Variants in RALYL observed in about 807,000 individuals in gnomAD.
The protein encoded by RALYL is RNA-binding Raly-like protein.
Under a neutral mutation model 35.1 loss-of-function variants are expected in RALYL, and 29 were observed. The observed-to-expected ratio is 0.83, with a 90% CI of 0.61 to 1.13. The LOEUF is 1.13. Ranked by LOEUF, RALYL falls within the 50% of genes most tolerant of loss-of-function variation. The pLI is 0.00. For synonymous variants in RALYL, 120 were observed against 127.6 expected (o/e 0.94, Z 0.40); for missense variants, 359 against 360.4 (o/e 1.00, Z 0.03).
At chr8:84,247,680 C>A (rs1190119068) in intron 1 of RALYL, among the ~76,000 whole-genome samples, 3 of 152,028 alleles carry the variant, frequency 2.0e-5, no homozygotes, top group Non-Finnish European at 2.9e-5. Flanking sequence ...AAAAGAATTT[C>A]TTGTATTATT....
chr8:84,424,089 A>G (rs1416211662), intron 1 of RALYL, among the ~76,000 whole-genome samples: 186 of 151,922 alleles, frequency 1.2e-3, no homozygotes, highest in African/African-American at 4.0e-3. Context: ...GAATCTGAAC[A>G]TTGGCCTGCC....
At chr8:84,197,404 C>T (rs1478142656) in intron 1 of RALYL, among the ~76,000 whole-genome samples, 1 of 152,162 alleles carries the variant, frequency 6.6e-6, no homozygotes, top group Non-Finnish European at 1.5e-5. Context: ...TAGGTCCTGA[C>T]TTTCATACAA....
intron 4 of RALYL, among the ~76,000 whole-genome samples, chr8:84,823,778 A>C (rs7823653): frequency 2.7e-5 from 4 of 150,918 alleles, no homozygotes; most frequent in East Asian, 3.9e-4. Context: ...CTACTTCTTT[A>C]TCTCTCTCTA....
At chr8:84,184,769 C>T (rs1369762109) in intron 1 of RALYL, 2 of 472,130 alleles carry the variant, frequency 4.2e-6, no homozygotes. Context: ...GTAAGTTCTC[C>T]GAGGGCCACT....
chr8:84,907,278 A>G (rs1225576168), intron 8 of RALYL, among the ~76,000 whole-genome samples: 1 of 146,920 alleles, frequency 6.8e-6, no homozygotes. Flanking sequence ...TATCTTTAAA[A>G]AGGCAGAAAT....
At chr8:84,778,657 A>G (rs78935331) in intron 3 of RALYL, among the ~76,000 whole-genome samples, 2,966 of 152,264 alleles carry the variant, frequency 0.019, 184 homozygotes, top group Admixed American at 0.13. Context: ...AGGATAGTCT[A>G]CCTTGTGGGG....
intron 4 of RALYL, among the ~76,000 whole-genome samples, chr8:84,834,284 A>G (rs1831500224): frequency 6.6e-6 from 1 of 152,248 alleles, no homozygotes; most frequent in African/African-American, 2.4e-5. Context: ...TGCTTGGAAC[A>G]GCTACTACCT....
intron 1 of RALYL, among the ~76,000 whole-genome samples, chr8:84,425,821 G>GTGTGTGTA (rs1250540354): frequency 6.0e-5 from 9 of 150,810 alleles, no homozygotes; most frequent in African/African-American, 2.2e-4. Context: ...GTGTGTGTGT[G>GTGTGTGTA]TGTAAGTTGC....
At position 84,242,597 on chromosome 8, in the gene RALYL, GTT is replaced by G. The variant is rs554325766; in HGVS notation, c.-24+58179_-24+58180del. On this transcript the variant is annotated intron_variant, in intron 1 of 8. Coordinates refer to ENST00000521268, the MANE Select transcript of RALYL (RefSeq NM_173848.7). ...TTCTCTAATGATCAGTGATGTTGAG[GTT>G]TTTTTATATGTTTGTTGGCTGCATG... 3.9e-5 allele frequency among the ~76,000 whole-genome samples: 6 copies of G among 152,228 alleles called. No individual in the cohort carries two copies. In the East Asian group the frequency reaches 1.2e-3, roughly 29 times the overall value.
chr8:84,856,366 T>A (rs1287072055), intron 5 of RALYL, among the ~76,000 whole-genome samples: 1 of 152,228 alleles, frequency 6.6e-6, no homozygotes, highest in Non-Finnish European at 1.5e-5. Context: ...ACTTTTTAAT[T>A]ACACAAAGCT....
chr8:84,377,299 T>A lies in RALYL; in HGVS notation c.-23-152000T>A, dbSNP rs532189281. 5.3e-5 allele frequency among the ~76,000 whole-genome samples: 8 copies of A among 151,822 alleles called. No individual in the cohort carries two copies. In the East Asian group the frequency reaches 1.4e-3, roughly 26 times the overall value. ...ACAAATTTTGTGCTTAATTTATGGA[T>A]TTTGTGGCCCTCAAAATATCATGTG... On this transcript the variant is annotated intron_variant, in intron 1 of 8. Transcript: ENST00000521268.
At chr8:84,278,888 A>G (rs1835958647) in intron 1 of RALYL, among the ~76,000 whole-genome samples, 1 of 152,168 alleles carries the variant, frequency 6.6e-6, no homozygotes, top group Non-Finnish European at 1.5e-5. Context: ...AAGTGGTTTC[A>G]ACCTCTGCCT....
At chr8:84,525,906 G>A (rs990076686) in intron 1 of RALYL, among the ~76,000 whole-genome samples, 1 of 147,394 alleles carries the variant, frequency 6.8e-6, no homozygotes, top group African/African-American at 2.5e-5. Context: ...GGTGAAAATA[G>A]TGTATTTTAT....
chr8:84,211,997 G>T (rs1333054641), intron 1 of RALYL, among the ~76,000 whole-genome samples: 1 of 152,144 alleles, frequency 6.6e-6, no homozygotes, highest in African/African-American at 2.4e-5. Flanking sequence ...AGGAAGGTAA[G>T]TCCAAGGTCA....
At chr8:84,510,401 A>G (rs190243797) in intron 1 of RALYL, among the ~76,000 whole-genome samples, 145 of 152,296 alleles carry the variant, frequency 9.5e-4, no homozygotes, top group East Asian at 6.4e-3. Context: ...GTGAGTCTCA[A>G]TACTCCACAA....
intron 1 of RALYL, among the ~76,000 whole-genome samples, chr8:84,450,232 G>A (rs1479098): frequency 0.41 from 61,422 of 151,584 alleles, 12,493 homozygotes; most frequent in South Asian, 0.52. Flanking sequence ...ATATATATTA[G>A]GGAATGATTA....
At chr8:84,297,770 G>A (rs1284929207) in intron 1 of RALYL, among the ~76,000 whole-genome samples, 31 of 152,006 alleles carry the variant, frequency 2.0e-4, no homozygotes, top group Admixed American at 2.0e-3. Context: ...TCTCATTGTG[G>A]TTTTGATTTG....
intron 7 of RALYL, among the ~76,000 whole-genome samples, chr8:84,882,328 T>TGGGG (rs1842297791): frequency 6.6e-6 from 1 of 152,048 alleles, no homozygotes; most frequent in Non-Finnish European, 1.5e-5. Context: ...CAATAAGCAC[T>TGGGG]GGAAGACTTC....
chr8:84,860,701 T>C (rs1025142603), intron 5 of RALYL, among the ~76,000 whole-genome samples: 9 of 152,220 alleles, frequency 5.9e-5, no homozygotes, highest in African/African-American at 2.2e-4. Flanking sequence ...TAATGGACTT[T>C]GCTTAGTCAC....
Sources: allele counts gnomAD v4.1 joint callset (sites outside exome capture counted in the v4.1 genomes callset), GRCh38; gene constraint gnomAD v4.1.1; transcripts MANE v1.5; gene names NCBI Gene and HGNC (gene_info 2026-07-23, HGNC 2026-07-21).